Variants in KLHL13 observed in about 807,000 individuals in gnomAD.
The protein encoded by KLHL13 is kelch like family member 13, also known as kelch-like protein 13.
Under a neutral mutation model 37.1 loss-of-function variants are expected in KLHL13, and 10 were observed. The observed-to-expected ratio is 0.27, with a 90% CI of 0.17 to 0.46. The LOEUF is 0.46. Among genes scored for constraint, KLHL13 ranks in the 20% least tolerant of loss-of-function variants. The probability of loss-of-function intolerance (pLI) is 1.00; values close to 1 mark genes in which losing one functional copy is unlikely to be tolerated. For synonymous variants in KLHL13, 163 were observed against 181.2 expected (o/e 0.90, Z 0.81); for missense variants, 360 against 509.3 (o/e 0.71, Z 2.82).
chrX:117,971,162 G>A (rs769938227), intron 1 of KLHL13, among the ~76,000 whole-genome samples: 23 of 111,507 alleles, frequency 2.1e-4, no homozygotes, highest in African/African-American at 7.5e-4. Context: ...TCTAAAAATC[G>A]ACAAATCAGG....
chrX:118,090,922 T>G (rs1473099724), intron 1 of KLHL13, among the ~76,000 whole-genome samples: 9 of 107,606 alleles, frequency 8.4e-5, no homozygotes, highest in South Asian at 4.3e-4. Flanking sequence ...ATGTGGCACA[T>G]ATACACCATG....
chrX:118,015,155 A>C (rs1169816583), intron 1 of KLHL13, among the ~76,000 whole-genome samples: 1 of 111,619 alleles, frequency 9.0e-6, no homozygotes, highest in Non-Finnish European at 1.9e-5. Context: ...CAGAGTTTGA[A>C]TGACACCTAT....
At chrX:118,109,008 G>C (rs1325383889) in intron 1 of KLHL13, among the ~76,000 whole-genome samples, 1 of 111,348 alleles carries the variant, frequency 9.0e-6, no homozygotes, top group Non-Finnish European at 1.9e-5. Flanking sequence ...TAGAGACAGG[G>C]TCTCGCTTTG....
At chrX:118,018,716 T>C (rs1381133727) in intron 1 of KLHL13, among the ~76,000 whole-genome samples, 3 of 111,758 alleles carry the variant, frequency 2.7e-5, no homozygotes, top group Non-Finnish European at 5.7e-5. Context: ...ATATTCATAA[T>C]ATAAATCCTA....
Position 118,035,145 on chromosome X carries a change from T to C in KLHL13, c.-56+81363A>G, listed in dbSNP as rs1271653269. Among the ~76,000 whole-genome samples the C allele has an allele frequency of 4.3e-3, 417 of 97,590 alleles. 1 individual carries two copies. The highest frequency in any genetic ancestry group is 0.019 in the African/African-American group (391 of 20,827). The allele number at this position is 97,590 out of a possible 115,157, so 84.7% of individuals were successfully genotyped here. ...AGTCCAGGACCAGATGGATTCACAG[T>C]CGGATTCTACCAGAGGTACAAGGAG... On this transcript the variant is annotated intron_variant, in intron 1 of 6. Transcript: ENST00000371882.
At chrX:117,898,297 T>C (rs1929862386) in exon 7 of KLHL13, 1 of 112,704 alleles carries the variant, frequency 8.9e-6, no homozygotes, top group Non-Finnish European at 1.9e-5. Context: ...GCTTTTTAAA[T>C]TAATATTAGT....
At chrX:118,074,108 C>A (rs1207734460) in intron 1 of KLHL13, among the ~76,000 whole-genome samples, 1 of 111,668 alleles carries the variant, frequency 9.0e-6, no homozygotes, top group Non-Finnish European at 1.9e-5. Context: ...CTGCTGATTA[C>A]TGGAATGTTC....
chrX:118,075,400 T>C (rs912970308), intron 1 of KLHL13, among the ~76,000 whole-genome samples: 9 of 111,935 alleles, frequency 8.0e-5, no homozygotes, highest in Non-Finnish European at 1.7e-4. Flanking sequence ...CAAAATGCAG[T>C]TGAACAAACT....
intron 1 of KLHL13, among the ~76,000 whole-genome samples, chrX:118,110,031 C>A (rs2055390148): frequency 9.0e-6 from 1 of 111,262 alleles, no homozygotes; most frequent in African/African-American, 3.3e-5. Context: ...AGAAAATACA[C>A]CAATTGTGTA....
chrX:117,911,711 C>T (rs756508542), intron 4 of KLHL13, among the ~76,000 whole-genome samples: 2 of 111,609 alleles, frequency 1.8e-5, no homozygotes, highest in East Asian at 5.6e-4. Context: ...CATTCATGTC[C>T]CTACAAAGGA....
At chrX:117,925,137 A>G (rs1256432493) in intron 2 of KLHL13, among the ~76,000 whole-genome samples, 1 of 111,632 alleles carries the variant, frequency 9.0e-6, no homozygotes, top group African/African-American at 3.2e-5. Context: ...TGGAAACCAG[A>G]CAAGCTATGA....
At position 118,095,783 on chromosome X, in the gene KLHL13, G is replaced by T. The variant is rs779772784; in HGVS notation, c.-56+20725C>A. Reference sequence around the variant, plus strand: ...CATGGAAACTGAACAACCTGCTCCTGAATTACTACTGGGTACATAATGAAA... The same window carrying T: ...CATGGAAACTGAACAACCTGCTCCTTAATTACTACTGGGTACATAATGAAA... On this transcript the variant is annotated intron_variant, in intron 1 of 6. Coordinates refer to the KLHL13 transcript ENST00000371882. Among the ~76,000 whole-genome samples, 13 of 112,131 alleles carry T rather than the reference G, an allele frequency of 1.2e-4. No homozygotes were observed. The South Asian group carries it at 4.8e-3, about 41-fold the overall frequency.
At chrX:117,950,051 C>T (rs974637125) in intron 1 of KLHL13, among the ~76,000 whole-genome samples, 2 of 112,608 alleles carry the variant, frequency 1.8e-5, no homozygotes, top group Non-Finnish European at 3.8e-5. Flanking sequence ...AGTATATGAA[C>T]AACACTTTTC....
At chrX:117,902,060 T>C (rs766228854) in intron 5 of KLHL13, 114 bp from the exon 7 acceptor site, 125 of 419,527 alleles carry the variant, frequency 3.0e-4, no homozygotes, top group African/African-American at 2.7e-3. Context: ...ATATCTATTA[T>C]AGCTATGATA....
intron 1 of KLHL13, among the ~76,000 whole-genome samples, chrX:118,104,376 CAT>C (rs2055323881): frequency 8.9e-6 from 1 of 111,786 alleles, no homozygotes; most frequent in South Asian, 3.7e-4. Flanking sequence ...AGTGTATACA[CAT>C]AAAATTTCTC....
chrX:117,903,404 T>A (rs935585035), intron 5 of KLHL13, among the ~76,000 whole-genome samples: 1 of 111,858 alleles, frequency 8.9e-6, no homozygotes, highest in African/African-American at 3.2e-5. Flanking sequence ...ACTGCTTTGT[T>A]GGCTTTGTTC....
chrX:118,033,355 AC>A (rs1182281075), intron 1 of KLHL13, among the ~76,000 whole-genome samples: 1 of 111,484 alleles, frequency 9.0e-6, no homozygotes, highest in Non-Finnish European at 1.9e-5. Flanking sequence ...AGGTCGGGTT[AC>A]CCTCAAAGGG....
intron 5 of KLHL13, among the ~76,000 whole-genome samples, chrX:117,903,715 C>A (rs1930309558): frequency 9.0e-6 from 1 of 111,007 alleles, no homozygotes; most frequent in Admixed American, 9.7e-5. Flanking sequence ...TAATGGGAAG[C>A]TTTTAGAAGT....
At chrX:118,043,696 G>T (rs1345926483) in intron 1 of KLHL13, among the ~76,000 whole-genome samples, 4 of 111,570 alleles carry the variant, frequency 3.6e-5, no homozygotes, top group African/African-American at 6.5e-5. Flanking sequence ...ATCGCTTCAT[G>T]ATAAAAAGAA....
Sources: gnomAD v4.1 joint callset for allele counts (sites outside exome capture counted in the v4.1 genomes callset) on GRCh38, gnomAD v4.1.1 for gene constraint, MANE v1.5 for transcripts, NCBI Gene and HGNC (gene_info 2026-07-23, HGNC 2026-07-21) for gene names.